BCL11B: variants seen among roughly 807,000 people sequenced by gnomAD.
The protein encoded by BCL11B is BCL11 transcription factor B.
A neutral mutation model predicts 49.9 loss-of-function variants in BCL11B; 8 were observed. The ratio of observed to expected loss-of-function variants is 0.16; its 90% CI spans 0.09 to 0.29. BCL11B has a LOEUF of 0.29. Among genes scored for constraint, BCL11B ranks in the 10% least tolerant of loss-of-function variants. BCL11B has a pLI of 1.00. For synonymous variants in BCL11B, 739 were observed against 637.4 expected (o/e 1.16, Z -2.40); for missense variants, 1,006 against 1,351.0 (o/e 0.74, Z 4.00).
At chr14:99,219,327 C>T (rs1044007007) in intron 3 of BCL11B, among the ~76,000 whole-genome samples, 1 of 152,200 alleles carries the variant, frequency 6.6e-6, no homozygotes, top group African/African-American at 2.4e-5. Context: ...AGCCACCGCA[C>T]CCGACCACAG....
intron 2 of BCL11B, among the ~76,000 whole-genome samples, chr14:99,238,771 T>C (rs1888579501): frequency 1.3e-5 from 2 of 152,176 alleles, no homozygotes; most frequent in Non-Finnish European, 1.5e-5. Context: ...ACGCTGATCA[T>C]TCCTTTGCTC....
chr14:99,231,250 C>A lies in BCL11B; in HGVS notation c.640+95G>T. 7.4e-7 allele frequency: 1 copy of A among 1,353,548 alleles called. No individual in the cohort carries two copies. The highest frequency in any genetic ancestry group is 2.5e-5 in the East Asian group (1 of 39,814). 83.8% of individuals were successfully genotyped at this position (1,353,548 alleles called of 1,614,324 possible). On this transcript the variant is annotated intron_variant, in intron 3 of 3. Transcript: ENST00000357195. This position sits in a 1 kb window ranked among gnomAD's most constrained non-coding sequence, Gnocchi z 8.1. ...CAAAAAGCCTTCTGGGTGGGAGCTGCCCTTCCTCCCTGGGTCCCCACCTTG... is the reference window on the plus strand; with the variant it reads ...CAAAAAGCCTTCTGGGTGGGAGCTGACCTTCCTCCCTGGGTCCCCACCTTG...
intron 1 of BCL11B, among the ~76,000 whole-genome samples, chr14:99,258,046 A>C (rs1401969319): frequency 6.6e-6 from 1 of 152,150 alleles, no homozygotes; most frequent in Non-Finnish European, 1.5e-5. Context: ...CTCTAGGAGC[A>C]ACGTCGTGCC....
intron 2 of BCL11B, among the ~76,000 whole-genome samples, chr14:99,236,427 G>A (rs761708046): frequency 2.0e-5 from 3 of 152,038 alleles, no homozygotes; most frequent in Admixed American, 1.3e-4. Context: ...CCACCCCAAC[G>A]GGAAATTAGG....
chr14:99,188,979 C>A (rs1886943988), intron 3 of BCL11B, among the ~76,000 whole-genome samples: 1 of 152,206 alleles, frequency 6.6e-6, no homozygotes, highest in African/African-American at 2.4e-5. Flanking sequence ...TACGACGTGC[C>A]ACAAATGGTA....
At chr14:99,266,868 T>C (rs750656606) in intron 1 of BCL11B, among the ~76,000 whole-genome samples, 3 of 152,092 alleles carry the variant, frequency 2.0e-5, no homozygotes, top group African/African-American at 7.2e-5. Flanking sequence ...GCAATCGAGA[T>C]AGGAGATGAA....
rs199890567 is a variant in BCL11B at position 99,172,399 on chromosome 14, A to AT, written c.*1751dup. Reference sequence around the variant, plus strand: ...TTCATATCCTCTATCTTCAACCAGAATTTTTTTTTTTTTTACTTAAAGTAA... The same window carrying AT: ...TTCATATCCTCTATCTTCAACCAGAATTTTTTTTTTTTTTTACTTAAAGTAA... On this transcript the variant is annotated 3_prime_UTR_variant, in exon 4 of 4. Transcript: ENST00000357195. 0.04 allele frequency: 7,800 copies of AT among 197,118 alleles called. 286 individuals are homozygous for AT. The highest frequency in any genetic ancestry group is 0.11 in the African/African-American group (4,850 of 42,396). 12.2% of individuals were successfully genotyped at this position (197,118 alleles called of 1,614,324 possible).
intron 3 of BCL11B, among the ~76,000 whole-genome samples, chr14:99,219,029 CTTTTTT>C (rs900709756): frequency 6.8e-6 from 1 of 147,382 alleles, no homozygotes; most frequent in South Asian, 2.1e-4. Context: ...CATTTCTTTT[CTTTTTT>C]TTATTTCTTC....
intron 2 of BCL11B, among the ~76,000 whole-genome samples, chr14:99,256,770 A>G (rs950402255): frequency 2.6e-5 from 4 of 152,176 alleles, no homozygotes; most frequent in Non-Finnish European, 4.4e-5. Flanking sequence ...CCAGTGGTCA[A>G]ATGAGTGAGC....
At chr14:99,233,266 T>A (rs542521974) in intron 2 of BCL11B, among the ~76,000 whole-genome samples, 1 of 152,234 alleles carries the variant, frequency 6.6e-6, no homozygotes, top group South Asian at 2.1e-4. Context: ...TCATCCATCA[T>A]CATGACAGCC....
intron 3 of BCL11B, among the ~76,000 whole-genome samples, chr14:99,187,988 C>T (rs980959123): frequency 1.3e-5 from 2 of 152,098 alleles, no homozygotes; most frequent in Non-Finnish European, 2.9e-5. Flanking sequence ...GCCTCGATAC[C>T]GAGTTATATA....
rs750270104 is a variant in BCL11B at position 99,175,688 on chromosome 14, C to A, written c.1148G>T (p.Gly383Val). Residue 383 changes from glycine to valine, a missense_variant, in exon 4 of 4, where the codon GGC (glycine) becomes GTC (valine). Around this residue, in one of 6 missense-constraint regions of BCL11B, gnomAD observed 97 missense variants for 81.5 expected, o/e 1.19. Transcript: ENST00000357195. ...NSSTPPPVSP[G>V]RGNPMHRLLN... ...GAGCCGGTGCATAGGGTTGCCGCGG[C>A]CCGGGGACACGGGCGGCGGCGTGGA... 2 of 1,527,758 alleles carry A rather than the reference C, an allele frequency of 1.3e-6. No individual in the cohort carries two copies. The highest frequency in any genetic ancestry group is 1.7e-6 in the Non-Finnish European group (2 of 1,151,664). The allele number at this position is 1,527,758 out of a possible 1,614,324, so 94.6% of individuals were successfully genotyped here.
At position 99,175,519 on chromosome 14, in the gene BCL11B, C is replaced by G; in HGVS notation, c.1317G>C (p.Gln439His). The G allele has an allele frequency of 1.2e-6, 2 of 1,608,064 alleles. No individual in the cohort carries two copies. Among genetic ancestry groups the G allele is most frequent in the Non-Finnish European group, 1.7e-6 (2 of 1,176,912 alleles). ...CEFCGKTFKFQSNLIVHRRSH... is the reference protein window; with the variant it reads ...CEFCGKTFKFHSNLIVHRRSH... ...TGCGCCGGTGCACGATGAGATTGCT[C>G]TGGAACTTGAAGGTCTTGCCGCAGA... Residue 439 changes from glutamine (Q) to histidine (H), a missense_variant, in exon 4 of 4, where the codon CAG becomes CAC. Physicochemically the swap from Gln to His is conservative, Grantham distance 24. Around this residue, in one of 6 missense-constraint regions of BCL11B, gnomAD observed 15 missense variants for 75.3 expected, o/e 0.20. Transcript: ENST00000357195.
intron 1 of BCL11B, among the ~76,000 whole-genome samples, chr14:99,267,451 C>T (rs1483613796): frequency 4.6e-5 from 7 of 151,264 alleles, no homozygotes; most frequent in African/African-American, 7.3e-5. Context: ...TTGGTGAACA[C>T]GTTTTTATTC....
intron 1 of BCL11B, among the ~76,000 whole-genome samples, chr14:99,267,384 G>A (rs1889513590): frequency 6.6e-6 from 1 of 152,236 alleles, no homozygotes; most frequent in Middle Eastern, 3.4e-3. Context: ...TATGCTCACG[G>A]CTGTTTTCTC....
At chr14:99,261,814 A>G (rs987141659) in intron 1 of BCL11B, among the ~76,000 whole-genome samples, 13 of 152,242 alleles carry the variant, frequency 8.5e-5, no homozygotes, top group African/African-American at 2.7e-4. Context: ...CGAAAGGCAG[A>G]TATCAGAGGG....
At position 99,242,777 on chromosome 14, in the gene BCL11B, A is replaced by T. The variant is rs150782994; in HGVS notation, c.428-11220T>A. On this transcript the variant is annotated intron_variant, in intron 2 of 3. Coordinates refer to ENST00000357195, the MANE Select transcript of BCL11B (RefSeq NM_138576.4). This position sits in a 1 kb window ranked among gnomAD's most constrained non-coding sequence, Gnocchi z 4.4. ...AGTAATCCAGCTTTTGCTGGAAAAA[A>T]GAAATCAAGACACTTCCAAAGAAAA... is the stretch of plus-strand genomic sequence containing the variant. 6.6e-6 allele frequency among the ~76,000 whole-genome samples: 1 copy of T among 152,386 alleles called. No individual in the cohort carries two copies. The highest frequency in any genetic ancestry group is 2.4e-5 in the African/African-American group (1 of 41,600).
At chr14:99,234,322 T>C (rs1595270723) in intron 2 of BCL11B, among the ~76,000 whole-genome samples, 1 of 152,144 alleles carries the variant, frequency 6.6e-6, no homozygotes, top group African/African-American at 2.4e-5. Flanking sequence ...GACTCTTACC[T>C]CAACTTGAAA....
chr14:99,204,723 A>G (rs1289045253), intron 3 of BCL11B, among the ~76,000 whole-genome samples: 1 of 152,196 alleles, frequency 6.6e-6, no homozygotes, highest in Admixed American at 6.5e-5. Flanking sequence ...TTTCCCCCAC[A>G]TCCAGACAGA....
Sources: allele counts gnomAD v4.1 joint callset (sites outside exome capture counted in the v4.1 genomes callset), GRCh38; gene constraint gnomAD v4.1.1; regional missense constraint gnomAD v4.1.1; non-coding constraint Gnocchi (gnomAD v3.1); transcripts MANE v1.5; gene names NCBI Gene and HGNC (gene_info 2026-07-23, HGNC 2026-07-21).